Variants in HS3ST1 observed in about 807,000 individuals in gnomAD.
HS3ST1 encodes heparan sulfate glucosamine 3-O-sulfotransferase 1.
Under a neutral mutation model 20.7 loss-of-function variants are expected in HS3ST1, and 8 were observed. The observed-to-expected ratio is 0.39, with a 90% CI of 0.23 to 0.70. The LOEUF (loss-of-function observed/expected upper bound fraction) is 0.70. Among genes scored for constraint, HS3ST1 ranks in the 30% least tolerant of loss-of-function variants. The pLI is 0.46. For missense variants in HS3ST1, 436 were observed against 423.4 expected, an observed-to-expected ratio of 1.03 and a Z score of -0.26; for synonymous variants, 205 against 190.4, an observed-to-expected ratio of 1.08 and a Z score of -0.63.
At chr4:11,432,324 T>A (rs1028681805), upstream of HS3ST1, among the ~76,000 whole-genome samples, 1 of 152,142 alleles carries the variant, frequency 6.6e-6, no homozygotes, top group Non-Finnish European at 1.5e-5. Context: ...ATCTTTCAGG[T>A]TAATAGCATG....
intron 1 of HS3ST1, among the ~76,000 whole-genome samples, chr4:11,427,672 G>A (rs934309636): frequency 2.6e-5 from 4 of 152,274 alleles, no homozygotes; most frequent in African/African-American, 9.6e-5. Context: ...GCCCAAGAGA[G>A]CGCCCTGAGT....
chr4:11,399,021 TC>T lies in HS3ST1; in HGVS notation c.*60del. ...TTAAATGCTTTTTTAAAATTCTTTT[TC>T]CCCTCAGATGTACACCAGAACTTAC... On this transcript the variant is annotated 3_prime_UTR_variant, in exon 2 of 2. Transcript: ENST00000002596. The surrounding 1 kb of genome is among the most constrained non-coding windows in gnomAD (Gnocchi z 5.1). 7.2e-7 allele frequency: 1 copy of T among 1,392,914 alleles called. No homozygotes were observed. The allele number at this position is 1,392,914 out of a possible 1,614,324, so 86.3% of individuals were successfully genotyped here.
intron 1 of HS3ST1, among the ~76,000 whole-genome samples, chr4:11,409,601 A>G (rs529751805): frequency 6.6e-6 from 1 of 152,226 alleles, no homozygotes; most frequent in Non-Finnish European, 1.5e-5. Context: ...TTCTGCTGAC[A>G]CCTTGATCTT....
intron 1 of HS3ST1, among the ~76,000 whole-genome samples, chr4:11,413,157 A>G (rs1228162164): frequency 2.0e-5 from 3 of 152,320 alleles, no homozygotes; most frequent in Non-Finnish European, 2.9e-5. Context: ...GCTTGGTCAT[A>G]GTAGCCCTAA....
chr4:11,393,436 T>C lies in HS3ST1; in HGVS notation c.*5646A>G, dbSNP rs1718056806. The C allele has an allele frequency of 2.6e-5, 4 of 152,214 alleles. No individual in the cohort carries two copies. In the South Asian group the frequency reaches 8.3e-4, roughly 32 times the overall value. 9.4% of individuals were successfully genotyped at this position (152,214 alleles called of 1,614,324 possible). A position where few individuals can be genotyped will look rare whatever the true frequency, so the allele number is the denominator to read the frequency against. ...ATTTAATTGGAAGAATTCTAATAAC[T>C]CCGTGGGTTGATCACGTTATACATG... is the stretch of plus-strand genomic sequence containing the variant. On this transcript the variant is annotated 3_prime_UTR_variant, in exon 2 of 2. Coordinates refer to ENST00000002596, the MANE Select transcript of HS3ST1 (RefSeq NM_005114.4).
rs1373659859 is a variant in HS3ST1, at chr4:11,394,647, T to C, written c.*4435A>G. Reference sequence around the variant, plus strand: ...AATCCTAGATGCCCATAATTTCCCTTACAGGCTCTGCCTAATAGACAGATG... The same window carrying C: ...AATCCTAGATGCCCATAATTTCCCTCACAGGCTCTGCCTAATAGACAGATG... On this transcript the variant is annotated 3_prime_UTR_variant, in exon 2 of 2. Coordinates refer to ENST00000002596, the MANE Select transcript of HS3ST1 (RefSeq NM_005114.4). 1 of 152,214 alleles carries C rather than the reference T, an allele frequency of 6.6e-6. No individual in the cohort carries two copies. Among genetic ancestry groups the C allele is most frequent in the East Asian group, 1.9e-4 (1 of 5,180 alleles). The allele number at this position is 152,214 out of a possible 1,614,324, so 9.4% of individuals were successfully genotyped here.
chr4:11,426,816 C>G (rs1422322842), intron 1 of HS3ST1, among the ~76,000 whole-genome samples: 1 of 152,222 alleles, frequency 6.6e-6, no homozygotes, highest in Non-Finnish European at 1.5e-5. Context: ...CTGCTTAGCG[C>G]TGGAGAAAAC....
Position 11,395,473 on chromosome 4 carries a change from C to CTTTT in HS3ST1, c.*3605_*3608dup, listed in dbSNP as rs34905764. The CTTTT allele has an allele frequency of 1.7e-4, 13 of 76,100 alleles. No homozygotes were observed. Among genetic ancestry groups the CTTTT allele is most frequent in the Middle Eastern group, 8.3e-3 (1 of 120 alleles). 4.7% of individuals were successfully genotyped at this position (76,100 alleles called of 1,614,324 possible). A position where few individuals can be genotyped will look rare whatever the true frequency, so the allele number is the denominator to read the frequency against. The stretch of plus-strand genomic sequence containing the variant: ...TTTTATTTTTTTATTATTAATTTAT[C>CTTTT]TTTTTTTTTTTTTTTTTTTTTTGAG... On this transcript the variant is annotated 3_prime_UTR_variant, in exon 2 of 2. Transcript: ENST00000002596.
At chr4:11,411,400 T>C (rs1436408104) in intron 1 of HS3ST1, among the ~76,000 whole-genome samples, 1 of 152,206 alleles carries the variant, frequency 6.6e-6, no homozygotes, top group African/African-American at 2.4e-5. Flanking sequence ...GTCCCTTACT[T>C]GAAATGTTTT....
upstream of HS3ST1, chr4:11,429,677 C>G (rs967952375): frequency 2.5e-5 from 1 of 39,888 alleles, no homozygotes; most frequent in African/African-American, 1.1e-4. Flanking sequence ...TTTTTTTCCG[C>G]TAGTGCACTA....
chr4:11,400,832 C>A (rs1043049714), intron 1 of HS3ST1, among the ~76,000 whole-genome samples: 4 of 152,214 alleles, frequency 2.6e-5, no homozygotes, highest in African/African-American at 9.7e-5. Flanking sequence ...ACGTATCAGT[C>A]CCCAGCCTGG....
chr4:11,400,110 A>C lies in HS3ST1; in HGVS notation c.-105T>G. 7.0e-7 allele frequency: 1 copy of C among 1,427,964 alleles called. No homozygotes were observed. Among genetic ancestry groups the C allele is most frequent in the Admixed American group, 2.9e-5 (1 of 34,642 alleles). The allele number at this position is 1,427,964 out of a possible 1,614,324, so 88.5% of individuals were successfully genotyped here. On this transcript the variant is annotated 5_prime_UTR_variant, in exon 2 of 2. Transcript: ENST00000002596. Reference sequence around the variant, plus strand: ...GGCACATGGGCGTTTCAGGCCTTCAATTACTAGGGAACAAAAAGGGAAGAT... The same window carrying C: ...GGCACATGGGCGTTTCAGGCCTTCACTTACTAGGGAACAAAAAGGGAAGAT...
At chr4:11,427,118 T>A (rs184476928) in intron 1 of HS3ST1, among the ~76,000 whole-genome samples, 85 of 152,256 alleles carry the variant, frequency 5.6e-4, no homozygotes, top group Non-Finnish European at 7.1e-4. Context: ...CTTTTTTTTT[T>A]AAAGATGGAA....
At chr4:11,433,675 GA>G (rs543965995), upstream of HS3ST1, among the ~76,000 whole-genome samples, 4,247 of 148,018 alleles carry the variant, frequency 0.029, 73 homozygotes, top group African/African-American at 0.04. Flanking sequence ...ACACTCTTCA[GA>G]AAAAAAAAAG....
chr4:11,406,756 T>A (rs1042125621), intron 1 of HS3ST1, among the ~76,000 whole-genome samples: 1 of 152,210 alleles, frequency 6.6e-6, no homozygotes, highest in Non-Finnish European at 1.5e-5. Flanking sequence ...TATACTGTTA[T>A]GCGAGAACTG....
intron 1 of HS3ST1, among the ~76,000 whole-genome samples, chr4:11,400,923 A>G (rs1718307379): frequency 6.6e-6 from 1 of 152,218 alleles, no homozygotes; most frequent in South Asian, 2.1e-4. Flanking sequence ...TGGCTAGCCC[A>G]TGGTCCCAGA....
upstream of HS3ST1, among the ~76,000 whole-genome samples, chr4:11,431,851 C>T (rs77671372): frequency 0.023 from 3,473 of 152,164 alleles, 65 homozygotes; most frequent in Non-Finnish European, 0.038. Flanking sequence ...AATGGGGAAA[C>T]GGAGGTTTAG....
At chr4:11,406,405 C>A (rs1309288811) in intron 1 of HS3ST1, among the ~76,000 whole-genome samples, 2 of 152,148 alleles carry the variant, frequency 1.3e-5, no homozygotes, top group South Asian at 2.1e-4. Context: ...GAGCTTAAAT[C>A]TACTTGATAG....
At chr4:11,429,077 TA>T (rs1181059291), upstream of HS3ST1, 1 of 152,462 alleles carries the variant, frequency 6.6e-6, no homozygotes, top group African/African-American at 2.4e-5. Flanking sequence ...TCCGGCCCGC[TA>T]GGTGCCTGGT....
Sources: gnomAD v4.1 joint callset for allele counts (sites outside exome capture counted in the v4.1 genomes callset) on GRCh38, gnomAD v4.1.1 for gene constraint, Gnocchi (gnomAD v3.1) non-coding constraint, MANE v1.5 for transcripts, NCBI Gene and HGNC (gene_info 2026-07-23, HGNC 2026-07-21) for gene names.